SGMS1: variants seen among roughly 807,000 people sequenced by gnomAD.
The protein encoded by SGMS1 is sphingomyelin synthase 1.
A neutral mutation model predicts 46.2 loss-of-function variants in SGMS1; 13 were observed. The ratio of observed to expected loss-of-function variants is 0.28; its 90% CI spans 0.18 to 0.45. The LOEUF (loss-of-function observed/expected upper bound fraction) is 0.45. SGMS1 is among the 20% of genes least tolerant of loss of function. SGMS1 has a pLI of 1.00. For missense variants in SGMS1, 324 were observed against 519.9 expected (o/e 0.62, Z 3.66); for synonymous variants, 203 against 187.8 (o/e 1.08, Z -0.66).
At chr10:50,319,084 C>T (rs1400858791) in intron 8 of SGMS1, among the ~76,000 whole-genome samples, 1 of 151,404 alleles carries the variant, frequency 6.6e-6, no homozygotes, top group Non-Finnish European at 1.5e-5. Context: ...GGCAAGATTT[C>T]CCTTTAACAA....
At chr10:50,349,985 C>G (rs1443759661) in intron 6 of SGMS1, among the ~76,000 whole-genome samples, 2 of 152,130 alleles carry the variant, frequency 1.3e-5, no homozygotes, top group Admixed American at 6.5e-5. Context: ...GAGGCTGGAA[C>G]AGTTTGGAGG....
intron 6 of SGMS1, among the ~76,000 whole-genome samples, chr10:50,359,730 T>G (rs2133410425): frequency 6.6e-6 from 1 of 150,598 alleles, no homozygotes; most frequent in African/African-American, 2.4e-5. Context: ...AGAGTAGAAA[T>G]TGATTAAATA....
intron 1 of SGMS1, among the ~76,000 whole-genome samples, chr10:50,591,834 ATC>A (rs765563463): frequency 6.0e-4 from 91 of 152,232 alleles, no homozygotes; most frequent in Non-Finnish European, 5.0e-4. Context: ...AGAACGTGAC[ATC>A]TCTGCATGAT....
At chr10:50,406,996 G>A (rs1358168451) in intron 6 of SGMS1, among the ~76,000 whole-genome samples, 3 of 152,276 alleles carry the variant, frequency 2.0e-5, no homozygotes, top group Non-Finnish European at 4.4e-5. Flanking sequence ...TGGGATTACA[G>A]GTATGAACTA....
intron 6 of SGMS1, among the ~76,000 whole-genome samples, chr10:50,362,370 A>G (rs1313742232): frequency 6.6e-6 from 1 of 152,182 alleles, no homozygotes; most frequent in Non-Finnish European, 1.5e-5. Context: ...TTGGGGACTT[A>G]AGATCCCAGC....
In SGMS1 at chr10:50,343,859, T is replaced by C. The variant is rs1847866205; in HGVS notation, c.256A>G (p.Asn86Asp). 1 of 1,614,036 alleles carries C rather than the reference T, an allele frequency of 6.2e-7. No homozygotes were observed. The highest frequency in any genetic ancestry group is 1.7e-5 in the Admixed American group (1 of 60,000). Residue 86 changes from asparagine to aspartate, a missense_variant, in exon 7 of 11, where the codon AAC becomes GAC. Transcript: ENST00000361781. ...GGGGTGGGGATGTCTACGCCAATGT[T>C]GAGGTGCCCATTGGCATGGCCGTTC... The part of the protein sequence containing the change: ...HKNGHANGHL[N>D]IGVDIPTPDG...
At chr10:50,478,647 T>G (rs1837449521) in intron 3 of SGMS1, among the ~76,000 whole-genome samples, 1 of 152,200 alleles carries the variant, frequency 6.6e-6, no homozygotes, top group Non-Finnish European at 1.5e-5. Context: ...AGTAACCTGA[T>G]GCATAAAAAT....
At chr10:50,601,410 A>G (rs543982456) in intron 1 of SGMS1, among the ~76,000 whole-genome samples, 1 of 152,286 alleles carries the variant, frequency 6.6e-6, no homozygotes, top group East Asian at 1.9e-4. Context: ...AAAAGTTTTA[A>G]TTTTCTCATC....
At chr10:50,397,142 A>G (rs904642756) in intron 6 of SGMS1, among the ~76,000 whole-genome samples, 1 of 152,230 alleles carries the variant, frequency 6.6e-6, no homozygotes, top group Non-Finnish European at 1.5e-5. Context: ...TCTCTGATGT[A>G]GTTGCTAGAT....
At chr10:50,424,901 A>G (rs970573399) in intron 6 of SGMS1, among the ~76,000 whole-genome samples, 2 of 149,850 alleles carry the variant, frequency 1.3e-5, no homozygotes, top group Non-Finnish European at 3.0e-5. Flanking sequence ...AACAAGAGCG[A>G]AACTCCGTCT....
intron 5 of SGMS1, among the ~76,000 whole-genome samples, chr10:50,434,515 C>T (rs1849448040): frequency 6.6e-6 from 1 of 151,966 alleles, no homozygotes; most frequent in South Asian, 2.1e-4. Context: ...GTTACCTGAA[C>T]CATAGACAGA....
At chr10:50,386,152 A>T (rs1848678489) in intron 6 of SGMS1, among the ~76,000 whole-genome samples, 1 of 152,170 alleles carries the variant, frequency 6.6e-6, no homozygotes, top group Non-Finnish European at 1.5e-5. Flanking sequence ...ATAAATGTGA[A>T]ACTAACCCTA....
chr10:50,424,233 C>T (rs1425559262), intron 6 of SGMS1, among the ~76,000 whole-genome samples: 1 of 152,184 alleles, frequency 6.6e-6, no homozygotes, highest in Non-Finnish European at 1.5e-5. Flanking sequence ...AACTAGAGGG[C>T]AGTCACAGTC....
At chr10:50,504,968 C>T (rs1178256999) in intron 3 of SGMS1, among the ~76,000 whole-genome samples, 1 of 152,138 alleles carries the variant, frequency 6.6e-6, no homozygotes, top group African/African-American at 2.4e-5. Flanking sequence ...GCCTGTAACC[C>T]CAGTACTTTG....
intron 6 of SGMS1, among the ~76,000 whole-genome samples, chr10:50,404,966 G>GT (rs1848993133): frequency 6.6e-6 from 1 of 152,160 alleles, no homozygotes; most frequent in Non-Finnish European, 1.5e-5. Flanking sequence ...CTAAGGAACG[G>GT]TATGTATATT....
intron 6 of SGMS1, among the ~76,000 whole-genome samples, chr10:50,397,863 A>G (rs186464858): frequency 1.6e-4 from 24 of 152,336 alleles, no homozygotes; most frequent in Non-Finnish European, 1.9e-4. Flanking sequence ...AAATCAAGTA[A>G]GTTATGTGAC....
intron 1 of SGMS1, among the ~76,000 whole-genome samples, chr10:50,619,250 T>TA (rs1374883404): frequency 6.6e-6 from 1 of 152,096 alleles, no homozygotes; most frequent in Non-Finnish European, 1.5e-5. Context: ...AGGAGACACA[T>TA]AAAAGACCAG....
intron 6 of SGMS1, among the ~76,000 whole-genome samples, chr10:50,425,046 A>G (rs1206160895): frequency 1.3e-5 from 2 of 152,222 alleles, no homozygotes; most frequent in Non-Finnish European, 2.9e-5. Context: ...CACAATGGCT[A>G]TTATTAAAAA....
intron 1 of SGMS1, among the ~76,000 whole-genome samples, chr10:50,607,384 G>A (rs1183562542): frequency 1.3e-5 from 2 of 152,136 alleles, no homozygotes; most frequent in African/African-American, 4.8e-5. Flanking sequence ...AGGGAAAGCA[G>A]TCAATTGTTG....
Sources: allele counts gnomAD v4.1 joint callset (sites outside exome capture counted in the v4.1 genomes callset), GRCh38; gene constraint gnomAD v4.1.1; transcripts MANE v1.5; gene names NCBI Gene and HGNC (gene_info 2026-07-23, HGNC 2026-07-21).